PRKN: variants seen among roughly 807,000 people sequenced by gnomAD.
PRKN encodes the protein parkin RBR E3 ubiquitin protein ligase.
In PRKN, 56 loss-of-function variants were observed where a neutral mutation model predicts 59.5. That is an observed-to-expected ratio of 0.94 (90% CI 0.76 to 1.18). PRKN has a LOEUF of 1.18. Ranked by LOEUF, PRKN falls within the 50% of genes most tolerant of loss-of-function variation. PRKN has a pLI of 0.00. For missense variants in PRKN, 657 were observed against 596.4 expected (o/e 1.10, Z -1.06); for synonymous variants, 250 against 222.1 (o/e 1.13, Z -1.12).
intron 9 of PRKN, among the ~76,000 whole-genome samples, chr6:161,406,548 C>G (rs1040582186): frequency 7.9e-5 from 12 of 152,158 alleles, no homozygotes; most frequent in African/African-American, 2.7e-4. Context: ...TATCAGTAAC[C>G]ACAGGATTTT....
At chr6:161,523,504 T>C (rs1778912320) in intron 9 of PRKN, among the ~76,000 whole-genome samples, 1 of 152,218 alleles carries the variant, frequency 6.6e-6, no homozygotes, top group Admixed American at 6.5e-5. Flanking sequence ...TCATATCAAT[T>C]GCAATGCTTT....
intron 2 of PRKN, among the ~76,000 whole-genome samples, chr6:162,403,906 T>G (rs1016299888): frequency 2.0e-5 from 3 of 152,192 alleles, no homozygotes; most frequent in African/African-American, 7.2e-5. Flanking sequence ...TTTACTTCTC[T>G]TTCTCCTCTA....
chr6:161,809,909 C>A (rs1791492173), intron 6 of PRKN, among the ~76,000 whole-genome samples: 1 of 152,186 alleles, frequency 6.6e-6, no homozygotes, highest in Non-Finnish European at 1.5e-5. Flanking sequence ...ATGTGGAATT[C>A]TTTCAATCCC....
At chr6:162,719,030 T>C (rs1370184571) in intron 1 of PRKN, among the ~76,000 whole-genome samples, 1 of 152,062 alleles carries the variant, frequency 6.6e-6, no homozygotes, top group African/African-American at 2.4e-5. Context: ...AAATTCCAAT[T>C]CCAATCATAG....
At chr6:161,749,418 T>C (rs915383069) in intron 7 of PRKN, among the ~76,000 whole-genome samples, 2 of 152,236 alleles carry the variant, frequency 1.3e-5, no homozygotes, top group Non-Finnish European at 2.9e-5. Context: ...TGTTAAGTTA[T>C]ACATCATTTT....
chr6:162,650,458 C>G (rs905185736), intron 1 of PRKN, among the ~76,000 whole-genome samples: 9 of 151,374 alleles, frequency 5.9e-5, no homozygotes, highest in African/African-American at 1.9e-4. Context: ...ATTAGCCGGG[C>G]GTAGTGGCGG....
chr6:161,365,108 A>ATG (rs1785148747), intron 10 of PRKN, among the ~76,000 whole-genome samples: 1 of 152,226 alleles, frequency 6.6e-6, no homozygotes, highest in Non-Finnish European at 1.5e-5. Flanking sequence ...ATTTGCTTCT[A>ATG]AACAAGGAAA....
chr6:161,672,142 A>G (rs1784932854), intron 7 of PRKN, among the ~76,000 whole-genome samples: 1 of 152,198 alleles, frequency 6.6e-6, no homozygotes, highest in South Asian at 2.1e-4. Flanking sequence ...TATGAGTAAC[A>G]ATGGACCACC....
intron 2 of PRKN, among the ~76,000 whole-genome samples, chr6:162,272,854 C>T (rs138951736): frequency 2.6e-4 from 39 of 151,210 alleles, no homozygotes; most frequent in African/African-American, 7.5e-4. Context: ...AAAAATTAGC[C>T]GGGTGTGGTT....
chr6:161,750,898 A>C (rs930427699), intron 7 of PRKN, among the ~76,000 whole-genome samples: 63 of 152,282 alleles, frequency 4.1e-4, no homozygotes, highest in Non-Finnish European at 7.1e-4. Context: ...TAATTGTATT[A>C]GTCATCGAAA....
At chr6:162,443,574 T>C in intron 1 of PRKN, 101 bp from the exon 2 acceptor site, 2 of 1,028,148 alleles carry the variant, frequency 1.9e-6, no homozygotes, top group African/African-American at 3.2e-5. Context: ...CTCGCAGCCC[T>C]TCAGTGAATG....
chr6:161,520,552 T>C (rs554868179), intron 9 of PRKN, among the ~76,000 whole-genome samples: 29 of 152,092 alleles, frequency 1.9e-4, no homozygotes, highest in Non-Finnish European at 4.0e-4. Flanking sequence ...TATTTTGAAA[T>C]ATTCTAGGAG....
rs1399133519 is a variant in PRKN, at chr6:161,360,219, G to A, written c.1168-14C>T. 2 of 1,580,264 alleles carry A rather than the reference G, an allele frequency of 1.3e-6. No individual in the cohort carries two copies. The highest frequency in any genetic ancestry group is 1.7e-5 in the Admixed American group (1 of 59,968). ...GACTCTGTAGGCCTGGGGAAACAAA[G>A]AGGAAAGGCGTTTAATCTCAGCTTT... is the stretch of plus-strand genomic sequence containing the variant. On this transcript the variant is annotated splice_polypyrimidine_tract_variant and intron_variant, in intron 10 of 11. Coordinates refer to ENST00000366898, the MANE Select transcript of PRKN (RefSeq NM_004562.3). This position sits in a 1 kb window ranked among gnomAD's most constrained non-coding sequence, Gnocchi z 5.1.
At chr6:161,839,065 G>C (rs574205044) in intron 6 of PRKN, among the ~76,000 whole-genome samples, 1 of 152,210 alleles carries the variant, frequency 6.6e-6, no homozygotes, top group East Asian at 1.9e-4. Context: ...GGAAAAAAGA[G>C]GCCCAGAAAG....
intron 1 of PRKN, among the ~76,000 whole-genome samples, chr6:162,555,981 C>CAAA (rs772336975): frequency 3.3e-5 from 3 of 90,346 alleles, no homozygotes; most frequent in East Asian, 4.2e-4. Flanking sequence ...AACTCCATCT[C>CAAA]AAAAAAAAAA....
intron 4 of PRKN, among the ~76,000 whole-genome samples, chr6:162,195,480 G>A (rs1435259838): frequency 6.6e-6 from 1 of 152,134 alleles, no homozygotes; most frequent in African/African-American, 2.4e-5. Flanking sequence ...CATTTAGACT[G>A]TATTTCTTAA....
chr6:162,298,352 T>C (rs1056839896), intron 2 of PRKN, among the ~76,000 whole-genome samples: 2 of 151,838 alleles, frequency 1.3e-5, no homozygotes, highest in African/African-American at 4.8e-5. Context: ...TTATTCCTCT[T>C]GTCCCTAAAG....
chr6:161,422,254 A>G (rs1250201309), intron 9 of PRKN, among the ~76,000 whole-genome samples: 3 of 144,424 alleles, frequency 2.1e-5, no homozygotes, highest in African/African-American at 5.3e-5. Flanking sequence ...GCTGGAGTGC[A>G]GTGGCATGAT....
At chr6:161,598,340 T>C (rs950058255) in intron 7 of PRKN, among the ~76,000 whole-genome samples, 5 of 152,150 alleles carry the variant, frequency 3.3e-5, no homozygotes, top group East Asian at 1.9e-4. Flanking sequence ...TTGAGAAACA[T>C]TCAATTGTAT....
Sources: allele counts gnomAD v4.1 joint callset (sites outside exome capture counted in the v4.1 genomes callset), GRCh38; gene constraint gnomAD v4.1.1; non-coding constraint Gnocchi (gnomAD v3.1); transcripts MANE v1.5; gene names NCBI Gene and HGNC (gene_info 2026-07-23, HGNC 2026-07-21).